The following HMCN2 variants were observed in gnomAD, a reference collection of about 807,000 sequenced individuals.
HMCN2 encodes hemicentin 2.
HMCN2 carries 325 observed loss-of-function variants against 377.5 expected under a neutral mutation model. That is an observed-to-expected ratio of 0.86 (90% CI 0.79 to 0.94). HMCN2 has a LOEUF of 0.94. Ranked by LOEUF, HMCN2 falls within the 40% of genes least tolerant of loss-of-function variation. The pLI, the probability that HMCN2 is intolerant of heterozygous loss-of-function variation, is 0.00. For missense variants in HMCN2, 4,543 were observed against 4,725.3 expected (o/e 0.96, Z 1.13); for synonymous variants, 2,007 against 2,046.8 (o/e 0.98, Z 0.53).
At chr9:130,267,868 AG>A (rs1185326901) in intron 1 of HMCN2, among the ~76,000 whole-genome samples, 8 of 152,220 alleles carry the variant, frequency 5.3e-5, no homozygotes, top group African/African-American at 1.9e-4. Flanking sequence ...CTGGCACTTA[AG>A]CTGGAACACA....
intron 22 of HMCN2, among the ~76,000 whole-genome samples, chr9:130,332,482 C>T (rs1460613138): frequency 6.6e-6 from 1 of 152,192 alleles, no homozygotes; most frequent in Non-Finnish European, 1.5e-5. Context: ...GCGTGTTTGG[C>T]GGCACAGTGA....
At position 130,351,336 on chromosome 9, in the gene HMCN2, T is replaced by C; in HGVS notation, c.4431-87T>C. ...CGCTAATGAATGGCCCAGCCTCGCT[T>C]TTTACAAGCCACACACTCCCTGTGT... On this transcript the variant is annotated intron_variant, in intron 29 of 97. Transcript: ENST00000683500. This position sits in a 1 kb window ranked among gnomAD's most constrained non-coding sequence, Gnocchi z 5.4. 9.0e-7 allele frequency: 1 copy of C among 1,109,050 alleles called. No individual in the cohort carries two copies. The highest frequency in any genetic ancestry group is 3.2e-5 in the Admixed American group (1 of 31,158). The allele number at this position is 1,109,050 out of a possible 1,614,324, so 68.7% of individuals were successfully genotyped here. A position where few individuals can be genotyped will look rare whatever the true frequency, so the allele number is the denominator to read the frequency against.
chr9:130,399,594 TGGG>T lies in HMCN2; in HGVS notation c.11568_11570del (p.Gly3857del). 7.8e-7 allele frequency: 1 copy of T among 1,289,496 alleles called. No homozygotes were observed. The highest frequency in any genetic ancestry group is 1.2e-5 in the South Asian group (1 of 80,976). The allele number at this position is 1,289,496 out of a possible 1,614,324, so 79.9% of individuals were successfully genotyped here. ...TTTGAATGCGTGGTGAGCAATGAGG[TGGG>T]CGAGGCCCACAGGCTCTACCAGGTG... On this transcript the variant is annotated inframe_deletion, in exon 76 of 98. Transcript: ENST00000683500.
intron 57 of HMCN2, among the ~76,000 whole-genome samples, 155 bp from the exon 58 acceptor site, chr9:130,384,218 G>A (rs1841891704): frequency 6.6e-6 from 1 of 152,226 alleles, no homozygotes; most frequent in Admixed American, 6.5e-5. Flanking sequence ...TTCTGTGTAA[G>A]AGAGTCATGG....
intron 29 of HMCN2, among the ~76,000 whole-genome samples, chr9:130,350,763 G>T (rs1361668323): frequency 6.6e-6 from 1 of 151,034 alleles, no homozygotes; most frequent in East Asian, 2.0e-4. Context: ...GGGCATGGTG[G>T]CGGTAGTCTG....
rs1842288433 is a variant in HMCN2 at position 130,390,983 on chromosome 9, G to A, written c.9530G>A (p.Ser3177Asn). 15 of 986,962 alleles carry A rather than the reference G, an allele frequency of 1.5e-5. No homozygotes were observed. The highest frequency in any genetic ancestry group is 1.8e-5 in the Non-Finnish European group (15 of 830,212). 61.1% of individuals were successfully genotyped at this position (986,962 alleles called of 1,614,324 possible). A position where few individuals can be genotyped will look rare whatever the true frequency, so the allele number is the denominator to read the frequency against. Residue 3177 changes from serine (S) to asparagine (N), a missense_variant, in exon 63 of 98, where the codon AGC (serine) becomes AAC (asparagine). Around this residue, in one of 5 missense-constraint regions of HMCN2, gnomAD observed 736 missense variants for 773.2 expected, o/e 0.95. Transcript: ENST00000683500. ...WLKDRMPVES[S>N]AVHGVVSRGG... ...GGACCCCTCTGTCCCACAGAGAGCA[G>A]CGCGGTGCACGGTGTGGTCTCCCGG...
intron 36 of HMCN2, among the ~76,000 whole-genome samples, 160 bp downstream of exon 36, chr9:130,358,646 T>C (rs140754270): frequency 1.3e-5 from 2 of 152,160 alleles, no homozygotes; most frequent in African/African-American, 4.8e-5. Context: ...AATGAAAGTG[T>C]TAGCAATAGC....
In HMCN2 at chr9:130,287,551, TAAAA is replaced by T. The variant is rs142931668; in HGVS notation, c.612+1265_612+1268del. ...GGGCAACAAGAGTGAAACTCTGTCT[TAAAA>T]AAAAAAAAAAAAAAAAAAAAAAAGA... On this transcript the variant is annotated intron_variant, in intron 4 of 97. Transcript: ENST00000683500. Among the ~76,000 whole-genome samples the T allele has an allele frequency of 1.7e-4, 16 of 93,288 alleles. No individual in the cohort carries two copies. The East Asian group carries it at 3.3e-3, about 19-fold the overall frequency. 61.2% of individuals were successfully genotyped at this position (93,288 alleles called of 152,430 possible). A position where few individuals can be genotyped will look rare whatever the true frequency, so the allele number is the denominator to read the frequency against.
In HMCN2 at chr9:130,363,000, A is replaced by G. The variant is rs1041720910; in HGVS notation, c.6232+10A>G. The G allele has an allele frequency of 2.0e-6, 2 of 985,864 alleles. No individual in the cohort carries two copies. Among genetic ancestry groups the G allele is most frequent in the East Asian group, 1.1e-4 (1 of 8,808 alleles). The allele number at this position is 985,864 out of a possible 1,614,324, so 61.1% of individuals were successfully genotyped here. On this transcript the variant is annotated intron_variant, in intron 40 of 97. Transcript: ENST00000683500. ...GTCCTGCAAGTCCACAGTGAGTCTCAGACTGGGAAAGCCATGTGGTTCAGA... is the reference window on the plus strand; with the variant it reads ...GTCCTGCAAGTCCACAGTGAGTCTCGGACTGGGAAAGCCATGTGGTTCAGA...
At chr9:130,331,637 G>C (rs1210962018) in intron 22 of HMCN2, among the ~76,000 whole-genome samples, 6 of 152,170 alleles carry the variant, frequency 3.9e-5, no homozygotes, top group Non-Finnish European at 8.8e-5. Flanking sequence ...CAGCCTTTCA[G>C]TTTGAGAAAT....
At chr9:130,329,320 G>A (rs1274708989) in intron 22 of HMCN2, among the ~76,000 whole-genome samples, 1 of 152,118 alleles carries the variant, frequency 6.6e-6, no homozygotes, top group Non-Finnish European at 1.5e-5. Context: ...ATGAGTGCCT[G>A]CTTCCTTTTA....
In HMCN2 at chr9:130,425,091, T is replaced by A; in HGVS notation, c.13602T>A (p.Val4534=). ...LLLLDVVVNG[V]VPESLADADL... The stretch of plus-strand genomic sequence containing the variant: ...TCCTCGACGTGGTGGTCAATGGCGT[T>A]GTCCCCGAGAGCCTGGCTGACGCAG... Residue 4534 remains valine (V), a synonymous_variant, in exon 89 of 98, where the codon GTT becomes GTA. Coordinates refer to ENST00000683500, the MANE Select transcript of HMCN2 (RefSeq NM_001291815.2). 1 of 1,549,870 alleles carries A rather than the reference T, an allele frequency of 6.5e-7. No individual in the cohort carries two copies.
intron 25 of HMCN2, among the ~76,000 whole-genome samples, chr9:130,346,228 C>T (rs920062482): frequency 7.3e-4 from 111 of 152,160 alleles, no homozygotes; most frequent in African/African-American, 2.3e-3. Flanking sequence ...CTGGGGCTCA[C>T]GCTGCGACCT....
chr9:130,432,597 C>T (rs2282217), intron 97 of HMCN2, 42 bp downstream of exon 97: 283,124 of 1,538,888 alleles, frequency 0.18, 28,858 homozygotes, highest in East Asian at 0.39. Context: ...TCAGGAAAAG[C>T]ACATTTTTCA....
Position 130,418,822 on chromosome 9 carries a change from GATGAC to G in HMCN2, c.13013_13017del (p.Asp4338GlyfsTer16). 1 of 1,528,846 alleles carries G rather than the reference GATGAC, an allele frequency of 6.5e-7. No homozygotes were observed. The allele number at this position is 1,528,846 out of a possible 1,614,324, so 94.7% of individuals were successfully genotyped here. ...CCAGGACATGACAGTGAGATCTGGG[GATGAC>G]GTGGCCCTGCGGTGCCAGGCCACTG... On this transcript the variant is annotated frameshift_variant, in exon 86 of 98. Transcript: ENST00000683500. LOFTEE classifies it high-confidence loss of function.
rs1041876614 is a variant in HMCN2, at chr9:130,427,529, T to C, written c.13975T>C (p.Cys4659Arg). The change falls in exon 92 of 98, where the codon TGC becomes CGC. Residue 4659 changes from cysteine to arginine, a missense_variant. Physicochemically the swap from Cys to Arg is radical, Grantham distance 180. This residue lies in a region of HMCN2 where 1,155 missense variants were observed against 1,157.7 expected (regional missense o/e 1.00). Coordinates refer to ENST00000683500, the MANE Select transcript of HMCN2 (RefSeq NM_001291815.2). ...RDECSGGPSP[C>R]SHACLNAPGR... ...CGAGTGCTCAGGAGGCCCTAGCCCC[T>C]GCTCCCATGCCTGCCTTAATGCACC... 3.2e-6 allele frequency: 5 copies of C among 1,550,450 alleles called. No homozygotes were observed. Among genetic ancestry groups the C allele is most frequent in the Non-Finnish European group, 4.4e-6 (5 of 1,146,952 alleles).
chr9:130,339,135 C>T (rs917101084), intron 23 of HMCN2, among the ~76,000 whole-genome samples: 2 of 152,236 alleles, frequency 1.3e-5, no homozygotes, highest in Non-Finnish European at 2.9e-5. Context: ...CTGCAGTGAC[C>T]TGTGATCGTG....
chr9:130,344,719 G>A (rs1203841103), intron 25 of HMCN2, among the ~76,000 whole-genome samples: 2 of 149,986 alleles, frequency 1.3e-5, no homozygotes, highest in Admixed American at 1.3e-4. Flanking sequence ...GTAGTGTGTG[G>A]TGCGTATGTG....
chr9:130,430,419 A>G lies in HMCN2; in HGVS notation c.14462A>G (p.Asn4821Ser), dbSNP rs1844668179. 6.4e-7 allele frequency: 1 copy of G among 1,550,418 alleles called. No individual in the cohort carries two copies. Among genetic ancestry groups the G allele is most frequent in the Non-Finnish European group, 8.7e-7 (1 of 1,146,930 alleles). Residue 4821 changes from asparagine (N) to serine (S), a missense_variant, in exon 95 of 98, where the codon AAT becomes AGT. By Grantham distance (46) the Asn-to-Ser change is conservative (BLOSUM62 1). Coordinates refer to ENST00000683500, the MANE Select transcript of HMCN2 (RefSeq NM_001291815.2). The stretch of plus-strand genomic sequence containing the variant: ...AAGGCCTGCACCTCACTGGAGCGGA[A>G]TGGACAAAATGTGACCACCGTCAGC... The part of the protein sequence containing the change: ...DGKACTSLER[N>S]GQNVTTVSHR...
Sources: allele counts gnomAD v4.1 joint callset (sites outside exome capture counted in the v4.1 genomes callset), GRCh38; gene constraint gnomAD v4.1.1; regional missense constraint gnomAD v4.1.1; non-coding constraint Gnocchi (gnomAD v3.1); transcripts MANE v1.5; gene names NCBI Gene and HGNC (gene_info 2026-07-23, HGNC 2026-07-21).